PCDHA2: variants seen among roughly 807,000 people sequenced by gnomAD.
PCDHA2 encodes protocadherin alpha 2.
PCDHA2 carries 58 observed loss-of-function variants against 66.0 expected under a neutral mutation model. That is an observed-to-expected ratio of 0.88 (90% confidence interval 0.71 to 1.09). PCDHA2 has a LOEUF of 1.09. PCDHA2 is among the 50% of genes least tolerant of loss of function. The pLI is 0.00. For missense variants in PCDHA2, 1,267 were observed against 1,242.3 expected, an observed-to-expected ratio of 1.02 and a Z score of -0.30; for synonymous variants, 634 against 554.0, an observed-to-expected ratio of 1.14 and a Z score of -2.03.
chr5:140,828,699 A>G, intron 1 of PCDHA2: 1 of 1,614,250 alleles, frequency 6.2e-7, no homozygotes, highest in Non-Finnish European at 8.5e-7. Flanking sequence ...TTGGACAGAG[A>G]GGAAGCTCCT....
intron 1 of PCDHA2, among the ~76,000 whole-genome samples, chr5:140,936,196 G>A (rs1251323087): frequency 1.3e-5 from 2 of 152,072 alleles, no homozygotes; most frequent in African/African-American, 4.8e-5. Flanking sequence ...CCCAGCCAAA[G>A]TTGTCTTTTT....
intron 1 of PCDHA2, chr5:140,814,920 C>A (rs2126660110): frequency 2.6e-5 from 4 of 152,204 alleles, no homozygotes; most frequent in South Asian, 2.1e-4. Flanking sequence ...GGTGAATTGA[C>A]CTTTTATCAT....
intron 1 of PCDHA2, among the ~76,000 whole-genome samples, chr5:140,941,941 T>G (rs1461291615): frequency 1.3e-5 from 2 of 152,246 alleles, no homozygotes; most frequent in Admixed American, 1.3e-4. Context: ...TGAATTACTT[T>G]TGTTTTGAAA....
rs565339027 is a variant in PCDHA2, at chr5:141,010,492, C to G, written c.*555C>G. ...AGGGGAAGTGTAAACTTAAAGGGAC[C>G]AGACTTTCTAAATCTTACAACTCAA... On this transcript the variant is annotated 3_prime_UTR_variant, in exon 4 of 4. Transcript: ENST00000526136. 28 of 628,626 alleles carry G rather than the reference C, an allele frequency of 4.5e-5. No homozygotes were observed. Among genetic ancestry groups the G allele is most frequent in the Admixed American group, 1.7e-4 (5 of 29,282 alleles). 38.9% of individuals were successfully genotyped at this position (628,626 alleles called of 1,614,324 possible).
chr5:140,843,555 TG>T, intron 1 of PCDHA2: 1 of 1,595,708 alleles, frequency 6.3e-7, no homozygotes, highest in African/African-American at 1.3e-5. Context: ...TCCAGTGCGG[TG>T]GGGAGCTGGT....
At chr5:141,009,482 C>T in intron 3 of PCDHA2, 145 bp from the exon 4 acceptor site, 1 of 1,446,086 alleles carries the variant, frequency 6.9e-7, no homozygotes, top group Non-Finnish European at 9.1e-7. Flanking sequence ...TAAACACTTG[C>T]CTTGCCCTCA....
At position 140,822,955 on chromosome 5, in the gene PCDHA2, T is replaced by G. The variant is rs2150120755; in HGVS notation, c.2388+25603T>G. Reference sequence around the variant, plus strand: ...CTGCTCCCTAATGCCCCACGTTCCCTTCAAGCTGGTGTCCACCTTCAAGAA... The same window carrying G: ...CTGCTCCCTAATGCCCCACGTTCCCGTCAAGCTGGTGTCCACCTTCAAGAA... On this transcript the variant is annotated intron_variant, in intron 1 of 3. Transcript: ENST00000526136. The G allele has an allele frequency of 3.7e-6, 6 of 1,614,108 alleles. No homozygotes were observed. The African/African-American group carries it at 8.0e-5, about 22-fold the overall frequency.
Position 140,795,715 on chromosome 5 carries a change from T to G in PCDHA2, c.751T>G (p.Leu251Val), listed in dbSNP as rs782170874. ...TFAQSVYKVK[L>V]LENTANGTLV... The stretch of plus-strand genomic sequence containing the variant: ...TGCCCAATCAGTTTACAAAGTAAAA[T>G]TGTTAGAGAATACGGCAAATGGGAC... Residue 251 changes from leucine to valine, a missense_variant, in exon 1 of 4, where the codon TTG becomes GTG. Coordinates refer to ENST00000526136, the MANE Select transcript of PCDHA2 (RefSeq NM_018905.3). 6.2e-7 allele frequency: 1 copy of G among 1,614,100 alleles called. No homozygotes were observed. The highest frequency in any genetic ancestry group is 1.7e-5 in the Admixed American group (1 of 60,020).
At chr5:140,917,690 G>C (rs2078307385) in intron 1 of PCDHA2, among the ~76,000 whole-genome samples, 1 of 152,108 alleles carries the variant, frequency 6.6e-6, no homozygotes, top group African/African-American at 2.4e-5. Context: ...TTTTGTTGAA[G>C]ATCAGATAAT....
intron 1 of PCDHA2, among the ~76,000 whole-genome samples, chr5:140,947,571 GT>G (rs782708059): frequency 1.8e-4 from 28 of 151,588 alleles, no homozygotes; most frequent in Non-Finnish European, 3.1e-4. Context: ...TATTGGGAAT[GT>G]TTTTAACATT....
chr5:140,802,821 G>C (rs781849256), intron 1 of PCDHA2: 1 of 1,613,366 alleles, frequency 6.2e-7, no homozygotes, highest in African/African-American at 1.3e-5. Context: ...CGATGCGGGC[G>C]TGCCGCCTCT....
At chr5:140,876,662 T>C in intron 1 of PCDHA2, 1 of 1,614,232 alleles carries the variant, frequency 6.2e-7, no homozygotes, top group Non-Finnish European at 8.5e-7. Flanking sequence ...CCCTTCAAGC[T>C]GGTGTCCACC....
intron 3 of PCDHA2, among the ~76,000 whole-genome samples, chr5:140,996,702 T>A (rs2097740306): frequency 6.6e-6 from 1 of 152,174 alleles, no homozygotes; most frequent in African/African-American, 2.4e-5. Context: ...TGAACCTCTA[T>A]CTCTTTGATT....
intron 1 of PCDHA2, chr5:140,834,370 G>A: frequency 6.4e-7 from 1 of 1,557,934 alleles, no homozygotes; most frequent in East Asian, 2.3e-5. Context: ...AGAAAAACAA[G>A]CCAATAATTT....
intron 1 of PCDHA2, chr5:140,828,164 A>C: frequency 3.1e-6 from 5 of 1,614,130 alleles, no homozygotes; most frequent in Non-Finnish European, 4.2e-6. Flanking sequence ...CGCAGCCTGG[A>C]AGGTGGGGAG....
At chr5:140,845,204 TAA>T (rs1554140859) in intron 1 of PCDHA2, among the ~76,000 whole-genome samples, 1 of 149,338 alleles carries the variant, frequency 6.7e-6, no homozygotes, top group Non-Finnish European at 1.5e-5. Flanking sequence ...TGTTTTCATT[TAA>T]GTCCTTTTAA....
In PCDHA2 at chr5:140,796,375, G is replaced by A; in HGVS notation, c.1411G>A (p.Gly471Ser). The A allele has an allele frequency of 6.2e-7, 1 of 1,614,026 alleles. No homozygotes were observed. The highest frequency in any genetic ancestry group is 8.5e-7 in the Non-Finnish European group (1 of 1,179,956). Reference sequence around the variant, plus strand: ...ATTCGTGAAGGAGAACAACCCGCCGGGCTGCCACATCTTCACGGTGTCAGC... The same window carrying A: ...ATTCGTGAAGGAGAACAACCCGCCGAGCTGCCACATCTTCACGGTGTCAGC... ...TVFVKENNPP[G>S]CHIFTVSAWD... Residue 471 changes from glycine to serine, a missense_variant, in exon 1 of 4, where the codon GGC becomes AGC. By Grantham distance (56) the Gly-to-Ser change is moderately conservative. Coordinates refer to ENST00000526136, the MANE Select transcript of PCDHA2 (RefSeq NM_018905.3).
intron 1 of PCDHA2, chr5:140,857,341 G>C (rs782659858): frequency 1.3e-6 from 2 of 1,598,438 alleles, no homozygotes; most frequent in Non-Finnish European, 1.7e-6. Context: ...ACGGGGGCTC[G>C]CCTCCGCTGT....
rs1554119327 is a variant in PCDHA2, at chr5:140,795,242, AGGAGCTGTGCGGGC to A, written c.284_297del (p.Leu95ArgfsTer4). 6.8e-6 allele frequency: 11 copies of A among 1,614,238 alleles called. No individual in the cohort carries two copies. The South Asian group carries it at 1.2e-4, about 18-fold the overall frequency. ...TTTGTGAATTCTCGGATCGACCGGG[AGGAGCTGTGCGGGC>A]GGAGCGCGGAATGTAGCATCCACGT... On this transcript the variant is annotated frameshift_variant, in exon 1 of 4. Transcript: ENST00000526136. LOFTEE classifies it high-confidence loss of function.
Sources: allele counts gnomAD v4.1 joint callset (sites outside exome capture counted in the v4.1 genomes callset), GRCh38; gene constraint gnomAD v4.1.1; transcripts MANE v1.5; gene names NCBI Gene and HGNC (gene_info 2026-07-23, HGNC 2026-07-21).